The following GRAMD1C variants were observed in gnomAD, a reference collection of about 807,000 sequenced individuals.
The protein encoded by GRAMD1C is GRAM domain containing 1C.
A neutral mutation model predicts 97.8 loss-of-function variants in GRAMD1C; 89 were observed. That is an observed-to-expected ratio of 0.91 (90% CI 0.77 to 1.09). The LOEUF (loss-of-function observed/expected upper bound fraction) is 1.09. GRAMD1C is among the 50% of genes least tolerant of loss of function. GRAMD1C has a pLI of 0.00. For missense variants in GRAMD1C, 740 were observed against 766.4 expected, an observed-to-expected ratio of 0.97 and a Z score of 0.41; for synonymous variants, 256 against 267.0, an observed-to-expected ratio of 0.96 and a Z score of 0.40.
rs577227991 is a variant in GRAMD1C at position 113,843,330 on chromosome 3, G to A, written c.28-1173G>A. On this transcript the variant is annotated intron_variant, in intron 1 of 17. Coordinates refer to ENST00000358160, the MANE Select transcript of GRAMD1C (RefSeq NM_017577.5). ...GGGCTCAAGAGGTCCTCCTGCCTCA[G>A]CCTCCCAAAGTGCTGGGATTATAGG... Among the ~76,000 whole-genome samples the A allele has an allele frequency of 3.3e-5, 5 of 152,090 alleles. No individual in the cohort carries two copies. The East Asian group carries it at 9.7e-4, about 29-fold the overall frequency.
chr3:113,917,996 C>G (rs543636781), intron 10 of GRAMD1C, among the ~76,000 whole-genome samples: 3 of 151,354 alleles, frequency 2.0e-5, no homozygotes, highest in Non-Finnish European at 2.9e-5. Flanking sequence ...AGCCACTGTG[C>G]CTGGCCTAGA....
chr3:113,881,882 A>G (rs944402087), intron 5 of GRAMD1C, among the ~76,000 whole-genome samples: 1 of 152,324 alleles, frequency 6.6e-6, no homozygotes, highest in African/African-American at 2.4e-5. Flanking sequence ...CAAAGTTTCA[A>G]TTTAATGAAT....
chr3:113,848,798 G>A (rs1933726861), intron 2 of GRAMD1C, among the ~76,000 whole-genome samples: 2 of 152,106 alleles, frequency 1.3e-5, no homozygotes, highest in Middle Eastern at 3.4e-3. Flanking sequence ...AGAGAGAGAC[G>A]CTGTCTCAAT....
intron 2 of GRAMD1C, among the ~76,000 whole-genome samples, chr3:113,855,317 C>CAAACA (rs1296886572): frequency 1.3e-5 from 2 of 151,872 alleles, no homozygotes; most frequent in Middle Eastern, 3.4e-3. Flanking sequence ...GTCTCAAAAA[C>CAAACA]AAACAAAACA....
intron 2 of GRAMD1C, among the ~76,000 whole-genome samples, chr3:113,854,170 T>C (rs1390008752): frequency 6.6e-6 from 1 of 151,932 alleles, no homozygotes; most frequent in Non-Finnish European, 1.5e-5. Context: ...GAGTTGGCGA[T>C]GCATGTTTGA....
chr3:113,932,744 C>A (rs1205423359), intron 11 of GRAMD1C, among the ~76,000 whole-genome samples: 1 of 152,160 alleles, frequency 6.6e-6, no homozygotes, highest in African/African-American at 2.4e-5. Context: ...TTCAGTCTGT[C>A]ACTCAGGCTG....
chr3:113,894,716 A>C (rs767975969), intron 6 of GRAMD1C, among the ~76,000 whole-genome samples: 4 of 152,228 alleles, frequency 2.6e-5, no homozygotes, highest in South Asian at 2.1e-4. Flanking sequence ...AATAGAGCAG[A>C]AATCTGTACT....
intron 6 of GRAMD1C, among the ~76,000 whole-genome samples, chr3:113,893,794 T>C (rs1247490318): frequency 6.6e-6 from 1 of 152,216 alleles, no homozygotes; most frequent in Non-Finnish European, 1.5e-5. Flanking sequence ...GTGTAACAGA[T>C]GATCAATAAA....
chr3:113,907,488 A>G lies in GRAMD1C; in HGVS notation c.790-1470A>G, dbSNP rs549877969. Among the ~76,000 whole-genome samples the G allele has an allele frequency of 2.0e-5, 3 of 152,206 alleles. No individual in the cohort carries two copies. The South Asian group carries it at 6.2e-4, about 31-fold the overall frequency. On this transcript the variant is annotated intron_variant, in intron 8 of 17. Coordinates refer to ENST00000358160, the MANE Select transcript of GRAMD1C (RefSeq NM_017577.5). ...TATAGATGTTTTCAGGTTATAGAAT[A>G]CAAGCAGTATAGAAGTTTAGCCCTT... is the stretch of plus-strand genomic sequence containing the variant.
In GRAMD1C at chr3:113,859,492, G is replaced by A. The variant is rs539729190; in HGVS notation, c.175-10015G>A. On this transcript the variant is annotated intron_variant, in intron 2 of 17. Transcript: ENST00000358160. ...CTCTCAAATTTGTTGAGGTATGGCT[G>A]AGTATATAGTCTATTTTGGTAATGT... is the stretch of plus-strand genomic sequence containing the variant. Among the ~76,000 whole-genome samples, 10 of 152,280 alleles carry A rather than the reference G, an allele frequency of 6.6e-5. No individual in the cohort carries two copies. The South Asian group carries it at 2.1e-3, about 32-fold the overall frequency.
intron 1 of GRAMD1C, among the ~76,000 whole-genome samples, chr3:113,832,953 T>G (rs2566984): frequency 2.6e-5 from 4 of 152,012 alleles, no homozygotes; most frequent in African/African-American, 7.3e-5. Flanking sequence ...GTTCCCAGCT[T>G]TGGGCATGGA....
At chr3:113,927,057 G>A (rs1291931671) in intron 10 of GRAMD1C, among the ~76,000 whole-genome samples, 6 of 151,986 alleles carry the variant, frequency 3.9e-5, no homozygotes, top group African/African-American at 1.5e-4. Flanking sequence ...CAGGGGCGCT[G>A]GTGGGAACCC....
At chr3:113,906,789 T>A (rs1031718921) in intron 8 of GRAMD1C, among the ~76,000 whole-genome samples, 1 of 152,218 alleles carries the variant, frequency 6.6e-6, no homozygotes, top group African/African-American at 2.4e-5. Flanking sequence ...AACTCAGTCC[T>A]GTAAGCTCCA....
intron 14 of GRAMD1C, chr3:113,936,746 A>T (rs1265365655): frequency 5.5e-6 from 1 of 181,866 alleles, no homozygotes; most frequent in African/African-American, 2.4e-5. Flanking sequence ...TCTGTTGCCC[A>T]TGCTGTAAGT....
At chr3:113,875,788 ATAGT>A (rs1283562040) in intron 4 of GRAMD1C, 18 of 423,250 alleles carry the variant, frequency 4.3e-5, no homozygotes, top group African/African-American at 3.4e-4. Context: ...GAGCTCCAGT[ATAGT>A]TAGAGAAAGA....
At chr3:113,856,640 A>G (rs943877337) in intron 2 of GRAMD1C, among the ~76,000 whole-genome samples, 1 of 151,954 alleles carries the variant, frequency 6.6e-6, no homozygotes, top group Non-Finnish European at 1.5e-5. Flanking sequence ...CCTGAGTTCA[A>G]GCAATTCTCC....
chr3:113,935,747 A>G (rs1165545563), intron 13 of GRAMD1C, among the ~76,000 whole-genome samples: 1 of 152,164 alleles, frequency 6.6e-6, no homozygotes, highest in African/African-American at 2.4e-5. Flanking sequence ...TAGTTTGGCC[A>G]CTGAATAAGT....
chr3:113,936,466 G>A lies in GRAMD1C; in HGVS notation c.1633+24G>A, dbSNP rs370807661. On this transcript the variant is annotated intron_variant, in intron 14 of 17. Coordinates refer to ENST00000358160, the MANE Select transcript of GRAMD1C (RefSeq NM_017577.5). ...AGGTAGTTGTCACCTGGTAAACAGA[G>A]ATGAAAGATTTTTACTTTAGTTATA... is the stretch of plus-strand genomic sequence containing the variant. 114 of 1,500,956 alleles carry A rather than the reference G, an allele frequency of 7.6e-5. No individual in the cohort carries two copies. The South Asian group carries it at 1.2e-3, about 16-fold the overall frequency. The allele number at this position is 1,500,956 out of a possible 1,614,324, so 93.0% of individuals were successfully genotyped here.
chr3:113,919,555 G>A, intron 10 of GRAMD1C: 1 of 558,098 alleles, frequency 1.8e-6, no homozygotes, highest in South Asian at 1.4e-5. Flanking sequence ...TTGAGTTTAT[G>A]CAAGTTAAAA....
Sources: allele counts gnomAD v4.1 joint callset (sites outside exome capture counted in the v4.1 genomes callset), GRCh38; gene constraint gnomAD v4.1.1; transcripts MANE v1.5; gene names NCBI Gene and HGNC (gene_info 2026-07-23, HGNC 2026-07-21).